Variants in CNTLN observed in about 807,000 individuals in gnomAD.
The protein encoded by CNTLN is centlein.
In CNTLN, 212 loss-of-function variants were observed where a neutral mutation model predicts 180.0. The ratio of observed to expected loss-of-function variants is 1.18; its 90% confidence interval spans 1.05 to 1.32. The LOEUF (loss-of-function observed/expected upper bound fraction) is 1.32, where lower values mean the gene tolerates loss of function less well. Among genes scored for constraint, CNTLN ranks in the 40% most tolerant of loss-of-function variants. The pLI, the probability that CNTLN is intolerant of heterozygous loss-of-function variation, is 0.00. For missense variants in CNTLN, 2,095 were observed against 1,610.9 expected (o/e 1.30, Z -5.14); for synonymous variants, 722 against 563.1 (o/e 1.28, Z -3.99).
At chr9:17,216,070 A>G (rs982295108) in intron 2 of CNTLN, among the ~76,000 whole-genome samples, 20 of 152,104 alleles carry the variant, frequency 1.3e-4, no homozygotes, top group African/African-American at 4.1e-4. Context: ...TGCACCCACT[A>G]TCTGACAAGC....
chr9:17,304,280 A>G (rs1205210944), intron 7 of CNTLN, among the ~76,000 whole-genome samples: 1 of 152,190 alleles, frequency 6.6e-6, no homozygotes, highest in Non-Finnish European at 1.5e-5. Context: ...AAAAACACCT[A>G]TCAAGATAAA....
At chr9:17,441,590 C>G (rs1043407911) in intron 18 of CNTLN, among the ~76,000 whole-genome samples, 1 of 138,552 alleles carries the variant, frequency 7.2e-6, no homozygotes, top group African/African-American at 2.8e-5. Flanking sequence ...AAACGTGTCA[C>G]TGCAAAAAAA....
intron 5 of CNTLN, among the ~76,000 whole-genome samples, chr9:17,258,351 A>G (rs535433186): frequency 2.0e-5 from 3 of 149,824 alleles, no homozygotes; most frequent in South Asian, 2.1e-4. Flanking sequence ...CTGTTTTGGT[A>G]CCAGTACCAT....
intron 2 of CNTLN, among the ~76,000 whole-genome samples, chr9:17,210,875 A>G (rs922947961): frequency 5.3e-5 from 8 of 152,132 alleles, no homozygotes; most frequent in Admixed American, 2.0e-4. Context: ...GTCTGTTCAT[A>G]TCCTTTGCCC....
chr9:17,146,948 C>G (rs1420347656), intron 2 of CNTLN, among the ~76,000 whole-genome samples: 1 of 151,460 alleles, frequency 6.6e-6, no homozygotes, highest in East Asian at 1.9e-4. Flanking sequence ...CCTAGTCTTT[C>G]TCTGTTTTAA....
At chr9:17,150,291 G>A (rs889114376) in intron 2 of CNTLN, among the ~76,000 whole-genome samples, 4 of 152,266 alleles carry the variant, frequency 2.6e-5, no homozygotes, top group South Asian at 2.1e-4. Flanking sequence ...TAGGTCTTAC[G>A]TTTAAGTCTT....
In CNTLN at chr9:17,438,500, G is replaced by C. The variant is rs182409717; in HGVS notation, c.3115-19024G>C. On this transcript the variant is annotated intron_variant, in intron 18 of 25. Transcript: ENST00000380647. Reference sequence around the variant, plus strand: ...ATAGAAGAATTGTATTTGTGACAATGTAATACACTAAATATTGTGGTGAGA... The same window carrying C: ...ATAGAAGAATTGTATTTGTGACAATCTAATACACTAAATATTGTGGTGAGA... Among the ~76,000 whole-genome samples, 130 of 152,234 alleles carry C rather than the reference G, an allele frequency of 8.5e-4. 1 individual carries two copies. The highest frequency in any genetic ancestry group is 2.6e-3 in the African/African-American group (107 of 41,544).
At chr9:17,228,020 A>T (rs1473379758) in intron 3 of CNTLN, among the ~76,000 whole-genome samples, 1 of 152,030 alleles carries the variant, frequency 6.6e-6, no homozygotes, top group Admixed American at 6.6e-5. Context: ...ACTGGAAAAA[A>T]ATTTGGCCAC....
At chr9:17,330,407 A>G (rs756572275) in intron 8 of CNTLN, among the ~76,000 whole-genome samples, 1 of 152,028 alleles carries the variant, frequency 6.6e-6, no homozygotes, top group Non-Finnish European at 1.5e-5. Flanking sequence ...ATATGACAGC[A>G]TTATTTATGA....
intron 23 of CNTLN, among the ~76,000 whole-genome samples, chr9:17,471,222 C>T (rs557168870): frequency 2.0e-5 from 3 of 151,930 alleles, no homozygotes; most frequent in Admixed American, 6.6e-5. Flanking sequence ...CTTTCAGCCA[C>T]GAATTTTTGC....
chr9:17,507,391 C>A (rs554599265), downstream of CNTLN, among the ~76,000 whole-genome samples: 1 of 152,204 alleles, frequency 6.6e-6, no homozygotes, highest in South Asian at 2.1e-4. Context: ...TCCAATCCAC[C>A]ATTGATAGGC....
At chr9:17,398,420 G>A (rs919150460) in intron 15 of CNTLN, among the ~76,000 whole-genome samples, 9 of 152,134 alleles carry the variant, frequency 5.9e-5, no homozygotes, top group Non-Finnish European at 1.2e-4. Context: ...GGGGAGTTCT[G>A]AGATTAATAG....
At chr9:17,454,265 TGTTAA>T (rs1023937582) in intron 18 of CNTLN, among the ~76,000 whole-genome samples, 1 of 152,244 alleles carries the variant, frequency 6.6e-6, no homozygotes, top group East Asian at 1.9e-4. Flanking sequence ...AATTTTATAG[TGTTAA>T]GTTCTATTTT....
chr9:17,299,802 A>G (rs1305181460), intron 7 of CNTLN: 2 of 984,130 alleles, frequency 2.0e-6, no homozygotes, highest in East Asian at 1.1e-4. Context: ...TCCCCCATTG[A>G]TGACTTTCTG....
intron 7 of CNTLN, among the ~76,000 whole-genome samples, chr9:17,302,458 CAAAGTGCTGGGA>C: frequency 6.6e-6 from 1 of 152,250 alleles, no homozygotes; most frequent in South Asian, 2.1e-4. Context: ...TTCAGCCTCC[CAAAGTGCTGGGA>C]TTATAGGTGT....
chr9:17,316,433 A>G (rs182729046), intron 8 of CNTLN, among the ~76,000 whole-genome samples: 3 of 152,200 alleles, frequency 2.0e-5, no homozygotes, highest in Middle Eastern at 6.8e-3. Context: ...TATGCTCTTT[A>G]ACTTAGGATG....
intron 12 of CNTLN, among the ~76,000 whole-genome samples, chr9:17,366,141 A>G (rs1316780207): frequency 1.3e-5 from 2 of 152,042 alleles, no homozygotes; most frequent in African/African-American, 2.4e-5. Flanking sequence ...TTTTTATTTT[A>G]TGGAGACAAG....
chr9:17,149,639 C>T (rs1167516231), intron 2 of CNTLN, among the ~76,000 whole-genome samples: 3 of 151,500 alleles, frequency 2.0e-5, no homozygotes, highest in African/African-American at 4.9e-5. Context: ...TGCCTCAGCC[C>T]CCCAAGTAGC....
intron 8 of CNTLN, among the ~76,000 whole-genome samples, chr9:17,317,973 TG>T (rs1206297772): frequency 6.6e-6 from 1 of 152,056 alleles, no homozygotes; most frequent in East Asian, 1.9e-4. Context: ...TGGAACCTAT[TG>T]GGGTGACTTA....
Sources: gnomAD v4.1 joint callset for allele counts (sites outside exome capture counted in the v4.1 genomes callset) on GRCh38, gnomAD v4.1.1 for gene constraint, MANE v1.5 for transcripts, NCBI Gene and HGNC (gene_info 2026-07-23, HGNC 2026-07-21) for gene names.